ADRA1B: variants seen among roughly 807,000 people sequenced by gnomAD.
The protein encoded by ADRA1B is alpha-1B adrenergic receptor.
In ADRA1B, 17 loss-of-function variants were observed where a neutral mutation model predicts 17.9. That is an observed-to-expected ratio of 0.95 (90% CI 0.65 to 1.42). The LOEUF (loss-of-function observed/expected upper bound fraction) is 1.42. Among genes scored for constraint, ADRA1B ranks in the 40% most tolerant of loss-of-function variants. The pLI is 0.00. For synonymous variants in ADRA1B, 366 were observed against 327.6 expected, an observed-to-expected ratio of 1.12 and a Z score of -1.27; for missense variants, 681 against 722.1, an observed-to-expected ratio of 0.94 and a Z score of 0.65.
chr5:159,917,580 T>C lies in ADRA1B; in HGVS notation c.675T>C (p.Arg225=), dbSNP rs1435003767. ...CGGTCATTCTAGTCATGTACTGCCG[T>C]GTCTATATAGTGGCCAAGAGAACCA... ...PLAVILVMYC[R]VYIVAKRTTK... Residue 225 remains arginine, a synonymous_variant, in exon 1 of 2, where the codon CGT becomes CGC. Transcript: ENST00000306675. 10 of 1,613,558 alleles carry C rather than the reference T, an allele frequency of 6.2e-6. No individual in the cohort carries two copies. The highest frequency in any genetic ancestry group is 1.7e-5 in the Admixed American group (1 of 59,954).
Position 159,972,288 on chromosome 5 carries a change from C to T in ADRA1B, c.1359C>T (p.Leu453=). 1.4e-6 allele frequency: 2 copies of T among 1,413,716 alleles called. No homozygotes were observed. The highest frequency in any genetic ancestry group is 1.5e-5 in the African/African-American group (1 of 65,982). 87.6% of individuals were successfully genotyped at this position (1,413,716 alleles called of 1,614,324 possible). The part of the protein sequence containing the change: ...AFPEWKAPGA[L]LSLPAPEPPG... ...CCGAGTGGAAGGCGCCCGGCGCCCT[C>T]CTGAGCCTGCCCGCGCCTGAGCCCC... The change falls in exon 2 of 2, where the codon CTC becomes CTT. Residue 453 remains leucine (L), a synonymous_variant. Coordinates refer to ENST00000306675, the MANE Select transcript of ADRA1B (RefSeq NM_000679.4).
At chr5:159,940,997 G>T (rs1006984209) in intron 1 of ADRA1B, among the ~76,000 whole-genome samples, 2 of 152,162 alleles carry the variant, frequency 1.3e-5, no homozygotes, top group Admixed American at 6.5e-5. Context: ...TCTCTGTGTT[G>T]TCTGTGACAA....
At chr5:159,891,902 T>C (rs1453375291) in intron 1 of ADRA1B, among the ~76,000 whole-genome samples, 1 of 152,164 alleles carries the variant, frequency 6.6e-6, no homozygotes, top group Non-Finnish European at 1.5e-5. Flanking sequence ...GCTTGAGTTA[T>C]CAATGCTGAA....
Position 159,885,452 on chromosome 5 carries a change from CA to C in ADRA1B, c.-256+20247del, listed in dbSNP as rs1376345786. ...AATTCTGGCCAATGAGACATAAGCA[CA>C]TATTTGCTAATGGGATTCTACAAAA... On this transcript the variant is annotated intron_variant, in intron 1 of 2. Coordinates refer to the ADRA1B transcript ENST00000641205. Among the ~76,000 whole-genome samples, 4 of 152,220 alleles carry C rather than the reference CA, an allele frequency of 2.6e-5. No individual in the cohort carries two copies. The East Asian group carries it at 7.7e-4, about 29-fold the overall frequency.
chr5:159,916,507 A>C lies in ADRA1B; in HGVS notation c.-399A>C. On this transcript the variant is annotated 5_prime_UTR_variant, in exon 1 of 2. Coordinates refer to ENST00000306675, the MANE Select transcript of ADRA1B (RefSeq NM_000679.4). ...AGTCAGCCCAGAAGCGGCTCATTGA[A>C]AGCAGACCCTCTTCGGCGCTCGCTG... 1 of 159,358 alleles carries C rather than the reference A, an allele frequency of 6.3e-6. No homozygotes were observed. The highest frequency in any genetic ancestry group is 1.4e-5 in the Non-Finnish European group (1 of 73,538). The allele number at this position is 159,358 out of a possible 1,614,324, so 9.9% of individuals were successfully genotyped here.
At chr5:159,883,963 A>G (rs1753894968) in intron 1 of ADRA1B, among the ~76,000 whole-genome samples, 1 of 152,242 alleles carries the variant, frequency 6.6e-6, no homozygotes, top group Admixed American at 6.5e-5. Context: ...CAAACACATC[A>G]CTTTTACTTG....
Position 159,881,855 on chromosome 5 carries a change from A to G in ADRA1B, c.-256+16649A>G, listed in dbSNP as rs192943503. ...GCTGTAGGGACTGGAGGCTTTCAGA[A>G]CTTCTTGCACCTCTGAAATTCTGAT... On this transcript the variant is annotated intron_variant, in intron 1 of 2. Coordinates refer to the ADRA1B transcript ENST00000641205. Among the ~76,000 whole-genome samples the G allele has an allele frequency of 2.0e-5, 3 of 152,246 alleles. No homozygotes were observed. The East Asian group carries it at 5.8e-4, about 29-fold the overall frequency.
chr5:159,881,916 G>A (rs1753867348), intron 1 of ADRA1B, among the ~76,000 whole-genome samples: 1 of 152,116 alleles, frequency 6.6e-6, no homozygotes, highest in Non-Finnish European at 1.5e-5. Flanking sequence ...CTGACTAGTG[G>A]CATGGGTGTC....
At chr5:159,895,672 GA>G (rs1030909462) in intron 1 of ADRA1B, among the ~76,000 whole-genome samples, 1 of 151,396 alleles carries the variant, frequency 6.6e-6, no homozygotes, top group East Asian at 1.9e-4. Flanking sequence ...AAAAGTTGAA[GA>G]AAAAAAAAGA....
At chr5:159,874,633 A>G (rs1475654933) in intron 1 of ADRA1B, among the ~76,000 whole-genome samples, 1 of 152,240 alleles carries the variant, frequency 6.6e-6, no homozygotes, top group Non-Finnish European at 1.5e-5. Context: ...AGGAGCTCTG[A>G]AAATTTTTAA....
intron 1 of ADRA1B, among the ~76,000 whole-genome samples, chr5:159,892,063 C>T (rs1426705843): frequency 6.6e-6 from 1 of 152,152 alleles, no homozygotes; most frequent in Non-Finnish European, 1.5e-5. Context: ...ATGGTGAAAC[C>T]CCACCTCTAC....
intron 1 of ADRA1B, among the ~76,000 whole-genome samples, chr5:159,919,068 A>G (rs1442859492): frequency 6.6e-6 from 1 of 152,234 alleles, no homozygotes. Context: ...AGAAAAATGC[A>G]AACAGAAAGG....
chr5:159,958,641 A>C (rs1445900162), intron 1 of ADRA1B, among the ~76,000 whole-genome samples: 1 of 152,190 alleles, frequency 6.6e-6, no homozygotes, highest in Admixed American at 6.5e-5. Flanking sequence ...CACAACAAAA[A>C]CAACAACAAC....
At chr5:159,889,563 G>C (rs1239592332) in intron 1 of ADRA1B, among the ~76,000 whole-genome samples, 1 of 152,142 alleles carries the variant, frequency 6.6e-6, no homozygotes, top group Non-Finnish European at 1.5e-5. Context: ...CTAGTGAGAT[G>C]AAGAAGTAGA....
chr5:159,918,457 C>T (rs1253636727), intron 1 of ADRA1B, among the ~76,000 whole-genome samples: 1 of 152,190 alleles, frequency 6.6e-6, no homozygotes, highest in Non-Finnish European at 1.5e-5. Flanking sequence ...GCCACACAGC[C>T]CCAACCAGCC....
At chr5:159,898,477 T>G (rs911483796) in intron 1 of ADRA1B, among the ~76,000 whole-genome samples, 5 of 152,244 alleles carry the variant, frequency 3.3e-5, no homozygotes, top group African/African-American at 1.2e-4. Flanking sequence ...AGTTTATATC[T>G]CTAATGTATG....
chr5:159,909,778 A>C (rs1302937920), intron 1 of ADRA1B, among the ~76,000 whole-genome samples: 1 of 152,236 alleles, frequency 6.6e-6, no homozygotes, highest in Admixed American at 6.5e-5. Flanking sequence ...TTATGCCTAG[A>C]CAAAGAGAGT....
intron 1 of ADRA1B, among the ~76,000 whole-genome samples, chr5:159,959,956 C>T (rs1303376628): frequency 6.6e-6 from 1 of 152,180 alleles, no homozygotes; most frequent in Non-Finnish European, 1.5e-5. Flanking sequence ...CATAACTCTA[C>T]CACTTAATAT....
At chr5:159,981,509 GT>G in the ADRA1B span, among the ~76,000 whole-genome samples, 1 of 152,088 alleles carries the variant, frequency 6.6e-6, no homozygotes, top group Non-Finnish European at 1.5e-5. Flanking sequence ...TTGTTTGCTT[GT>G]TTTAAGATGG....
Sources: allele counts gnomAD v4.1 joint callset (sites outside exome capture counted in the v4.1 genomes callset), GRCh38; gene constraint gnomAD v4.1.1; transcripts MANE v1.5; gene names NCBI Gene and HGNC (gene_info 2026-07-23, HGNC 2026-07-21).